Variants in PYROXD1 observed in about 807,000 individuals in gnomAD.
PYROXD1 encodes the protein tRNA ligase complex-associated NAD(P)H dehydrogenase PYROXD1.
Under a neutral mutation model 62.0 loss-of-function variants are expected in PYROXD1, and 42 were observed. The ratio of observed to expected loss-of-function variants is 0.68; its 90% CI spans 0.53 to 0.88. The LOEUF (loss-of-function observed/expected upper bound fraction) is 0.88, where lower values mean the gene tolerates loss of function less well. Among genes scored for constraint, PYROXD1 ranks in the 40% least tolerant of loss-of-function variants. The pLI is 0.00. For synonymous variants in PYROXD1, 170 were observed against 206.4 expected, an observed-to-expected ratio of 0.82 and a Z score of 1.51; for missense variants, 493 against 604.8, an observed-to-expected ratio of 0.82 and a Z score of 1.94.
In PYROXD1 at chr12:21,469,531, C is replaced by T. The variant is rs1316038839; in HGVS notation, c.*777C>T. On this transcript the variant is annotated 3_prime_UTR_variant, in exon 12 of 12. Transcript: ENST00000240651. ...AAAGTATCACTCAGTGAACCTCTGT[C>T]AGTATAATATTGCTTTCAAAAAGAT... 1 of 149,864 alleles carries T rather than the reference C, an allele frequency of 6.7e-6. No homozygotes were observed. Among genetic ancestry groups the T allele is most frequent in the Non-Finnish European group, 1.5e-5 (1 of 67,668 alleles). 9.3% of individuals were successfully genotyped at this position (149,864 alleles called of 1,614,324 possible). A position where few individuals can be genotyped will look rare whatever the true frequency, so the allele number is the denominator to read the frequency against.
At position 21,471,177 on chromosome 12, in the gene PYROXD1, T is replaced by C; in HGVS notation, c.*2423T>C. 1.5e-6 allele frequency: 2 copies of C among 1,336,032 alleles called. No individual in the cohort carries two copies. Among genetic ancestry groups the C allele is most frequent in the East Asian group, 5.0e-5 (2 of 40,060 alleles). 82.8% of individuals were successfully genotyped at this position (1,336,032 alleles called of 1,614,324 possible). A position where few individuals can be genotyped will look rare whatever the true frequency, so the allele number is the denominator to read the frequency against. The stretch of plus-strand genomic sequence containing the variant: ...CAAATTTATAAAAGAAATAACTATA[T>C]GCGCAGTAATTCTTAACACATTGAC... On this transcript the variant is annotated 3_prime_UTR_variant, in exon 12 of 12. Coordinates refer to ENST00000240651, the MANE Select transcript of PYROXD1 (RefSeq NM_024854.5).
intron 10 of PYROXD1, chr12:21,467,207 G>A (rs1258398842): frequency 3.7e-6 from 1 of 272,054 alleles, no homozygotes; most frequent in Admixed American, 5.3e-5. Context: ...TTCTCACCTG[G>A]TATAGCTTAA....
Position 21,467,006 on chromosome 12 carries a change from G to A in PYROXD1, c.1117-475G>A, listed in dbSNP as rs866791888. Among the ~76,000 whole-genome samples the A allele has an allele frequency of 7.9e-5, 12 of 152,254 alleles. No individual in the cohort carries two copies. The South Asian group carries it at 1.5e-3, about 18-fold the overall frequency. On this transcript the variant is annotated intron_variant, in intron 10 of 11. Coordinates refer to ENST00000240651, the MANE Select transcript of PYROXD1 (RefSeq NM_024854.5). ...ATGACTTCCCAGAATCAGTTGCTGA[G>A]ATATTTATGTTGTCTTGGTGAGGCA...
At chr12:21,457,555 T>G (rs184622013) in intron 7 of PYROXD1, among the ~76,000 whole-genome samples, 1 of 150,980 alleles carries the variant, frequency 6.6e-6, no homozygotes, top group African/African-American at 2.4e-5. Flanking sequence ...TACCTGAGAG[T>G]AGGTAATATT....
chr12:21,444,814 A>G (rs909949495), intron 2 of PYROXD1, among the ~76,000 whole-genome samples: 1 of 152,188 alleles, frequency 6.6e-6, no homozygotes, highest in African/African-American at 2.4e-5. Flanking sequence ...GCAAGCAGAT[A>G]GTTTATAGGG....
At chr12:21,442,504 A>C (rs1257142543) in intron 2 of PYROXD1, among the ~76,000 whole-genome samples, 4 of 152,152 alleles carry the variant, frequency 2.6e-5, no homozygotes, top group Non-Finnish European at 4.4e-5. Context: ...CCAAAGTGCA[A>C]ACTAGCTTAC....
Position 21,437,730 on chromosome 12 carries a change from C to T in PYROXD1, c.-1C>T, listed in dbSNP as rs1942213257. 5.6e-6 allele frequency: 9 copies of T among 1,611,494 alleles called. No homozygotes were observed. The highest frequency in any genetic ancestry group is 2.7e-5 in the African/African-American group (2 of 75,008). ...CAGTAAACCACTGGGAGTCCGGCAG[C>T]ATGGAGGCAGCGCGCCCTCCCCCGA... On this transcript the variant is annotated 5_prime_UTR_variant, in exon 1 of 12. Transcript: ENST00000240651.
intron 2 of PYROXD1, among the ~76,000 whole-genome samples, chr12:21,443,589 T>C (rs1045097863): frequency 1.3e-5 from 2 of 152,222 alleles, no homozygotes; most frequent in African/African-American, 4.8e-5. Flanking sequence ...TAATAAGTTA[T>C]GTGTATGAGC....
At chr12:21,466,960 C>T (rs577841033) in intron 10 of PYROXD1, among the ~76,000 whole-genome samples, 9 of 152,044 alleles carry the variant, frequency 5.9e-5, no homozygotes, top group Non-Finnish European at 1.3e-4. Context: ...TGAATTAATA[C>T]GGTCATGCAA....
intron 10 of PYROXD1, among the ~76,000 whole-genome samples, chr12:21,464,132 T>C (rs1389384238): frequency 1.9e-5 from 2 of 105,028 alleles, no homozygotes; most frequent in Non-Finnish European, 4.1e-5. Flanking sequence ...AGTTGGAGTT[T>C]ATGGGTTTTT....
intron 5 of PYROXD1, among the ~76,000 whole-genome samples, chr12:21,454,055 A>C (rs1209393071): frequency 6.6e-6 from 1 of 151,914 alleles, no homozygotes; most frequent in Non-Finnish European, 1.5e-5. Context: ...AAAAACGAAG[A>C]CTTATTAGGT....
intron 5 of PYROXD1, among the ~76,000 whole-genome samples, chr12:21,454,372 C>G (rs764961058): frequency 1.1e-4 from 17 of 151,812 alleles, no homozygotes; most frequent in Non-Finnish European, 2.2e-4. Flanking sequence ...CCAGTTGTAC[C>G]AAAAATGATT....
chr12:21,445,395 A>G lies in PYROXD1; in HGVS notation c.214A>G (p.Met72Val). Residue 72 changes from methionine (M) to valine (V), a missense_variant, in exon 3 of 12, where the codon ATG becomes GTG. Transcript: ENST00000240651. Reference protein sequence around the residue: ...EFDVEEQSSTMLGKRFPNIKV... With the variant: ...EFDVEEQSSTVLGKRFPNIKV... ...CGATGTTGAAGAACAATCAAGTACCATGTTAGGAAAACGCTTTCCCAACAT... is the reference window on the plus strand; with the variant it reads ...CGATGTTGAAGAACAATCAAGTACCGTGTTAGGAAAACGCTTTCCCAACAT... The G allele has an allele frequency of 6.2e-7, 1 of 1,610,394 alleles. No individual in the cohort carries two copies. Among genetic ancestry groups the G allele is most frequent in the South Asian group, 1.1e-5 (1 of 90,010 alleles).
chr12:21,462,724 G>A lies in PYROXD1; in HGVS notation c.994-16G>A. The A allele has an allele frequency of 6.2e-7, 1 of 1,612,514 alleles. No individual in the cohort carries two copies. Among genetic ancestry groups the A allele is most frequent in the Non-Finnish European group, 8.5e-7 (1 of 1,179,292 alleles). Reference sequence around the variant, plus strand: ...ATTTTTCTTAACACTTAACGCTTATGAGGAATGTTGTTTAGTTTGATCTAG... The same window carrying A: ...ATTTTTCTTAACACTTAACGCTTATAAGGAATGTTGTTTAGTTTGATCTAG... On this transcript the variant is annotated splice_polypyrimidine_tract_variant and intron_variant, in intron 9 of 11. Transcript: ENST00000240651.
chr12:21,439,814 A>G (rs1478095468), intron 1 of PYROXD1, among the ~76,000 whole-genome samples: 2 of 152,138 alleles, frequency 1.3e-5, no homozygotes. Context: ...AACAAGTTAT[A>G]CCTCTAAATT....
chr12:21,460,343 A>C (rs1200363211), intron 7 of PYROXD1, among the ~76,000 whole-genome samples: 2 of 152,020 alleles, frequency 1.3e-5, no homozygotes, highest in Non-Finnish European at 1.5e-5. Context: ...ACAGTAAGTC[A>C]GAACTGACCT....
At chr12:21,454,946 AC>A in intron 5 of PYROXD1, 185 bp from the exon 6 acceptor site, 1 of 376,436 alleles carries the variant, frequency 2.7e-6, no homozygotes, top group Admixed American at 4.5e-5. Context: ...AGATTCTTTT[AC>A]TATTCAATTT....
At chr12:21,463,430 T>C (rs568428337) in intron 10 of PYROXD1, among the ~76,000 whole-genome samples, 101 of 152,290 alleles carry the variant, frequency 6.6e-4, no homozygotes, top group Non-Finnish European at 1.2e-3. Flanking sequence ...GGCTCACGCC[T>C]GTAATCCCAG....
chr12:21,442,441 G>T (rs901372452), intron 2 of PYROXD1, among the ~76,000 whole-genome samples: 11 of 152,226 alleles, frequency 7.2e-5, no homozygotes, highest in Non-Finnish European at 1.0e-4. Flanking sequence ...TTCAATGGCA[G>T]CTGAGCCAGT....
Sources: gnomAD v4.1 joint callset for allele counts (sites outside exome capture counted in the v4.1 genomes callset) on GRCh38, gnomAD v4.1.1 for gene constraint, MANE v1.5 for transcripts, NCBI Gene and HGNC (gene_info 2026-07-23, HGNC 2026-07-21) for gene names.